The following FBXL17 variants were observed in gnomAD, a reference collection of about 807,000 sequenced individuals.
FBXL17 encodes F-box and leucine rich repeat protein 17, also known as F-box/LRR-repeat protein 17.
A neutral mutation model predicts 66.2 loss-of-function variants in FBXL17; 22 were observed. That is an observed-to-expected ratio of 0.33 (90% confidence interval 0.24 to 0.47). The LOEUF is 0.47. FBXL17 is among the 20% of genes least tolerant of loss of function. The pLI is 1.00. For synonymous variants in FBXL17, 474 were observed against 400.5 expected (o/e 1.18, Z -2.19); for missense variants, 878 against 948.2 (o/e 0.93, Z 0.97).
At chr5:108,367,528 AT>A (rs1309515411) in intron 2 of FBXL17, among the ~76,000 whole-genome samples, 2 of 152,066 alleles carry the variant, frequency 1.3e-5, no homozygotes, top group Non-Finnish European at 2.9e-5. Flanking sequence ...CTATTAAACT[AT>A]TTGTAGTATG....
chr5:108,360,085 GGTT>G (rs1207927511), intron 3 of FBXL17, among the ~76,000 whole-genome samples: 1 of 151,894 alleles, frequency 6.6e-6, no homozygotes, highest in Admixed American at 6.6e-5. Flanking sequence ...CTTAAAACCT[GGTT>G]TTTTTGGATA....
intron 6 of FBXL17, among the ~76,000 whole-genome samples, chr5:108,063,305 G>A (rs966714161): frequency 1.3e-5 from 2 of 152,164 alleles, no homozygotes; most frequent in Non-Finnish European, 2.9e-5. Context: ...TCCAAGAAAA[G>A]GAGACACCAT....
intron 7 of FBXL17, among the ~76,000 whole-genome samples, chr5:107,967,242 T>C (rs1752178321): frequency 1.3e-5 from 2 of 152,002 alleles, no homozygotes; most frequent in South Asian, 4.1e-4. Context: ...AATATTATTA[T>C]AACACTAACT....
intron 6 of FBXL17, among the ~76,000 whole-genome samples, chr5:108,178,205 C>T (rs768857844): frequency 3.3e-5 from 5 of 151,744 alleles, no homozygotes; most frequent in African/African-American, 4.8e-5. Flanking sequence ...CCATCATGCC[C>T]GGCTATTTTT....
At chr5:108,246,350 A>C (rs1175545772) in intron 4 of FBXL17, among the ~76,000 whole-genome samples, 1 of 152,046 alleles carries the variant, frequency 6.6e-6, no homozygotes, top group Non-Finnish European at 1.5e-5. Context: ...TAAATAAGTA[A>C]ATAAGCAGGC....
chr5:108,288,086 G>T (rs1401208779), intron 4 of FBXL17, among the ~76,000 whole-genome samples: 1 of 151,920 alleles, frequency 6.6e-6, no homozygotes, highest in Admixed American at 6.6e-5. Flanking sequence ...ACATTAAGAA[G>T]AGAACAGACA....
intron 6 of FBXL17, among the ~76,000 whole-genome samples, chr5:108,171,434 T>C (rs1021908068): frequency 6.6e-6 from 1 of 152,222 alleles, no homozygotes; most frequent in Non-Finnish European, 1.5e-5. Flanking sequence ...TCTACCTATC[T>C]GTGCTCCATT....
intron 7 of FBXL17, among the ~76,000 whole-genome samples, chr5:107,889,846 A>G (rs138749658): frequency 0.022 from 3,289 of 152,298 alleles, 45 homozygotes; most frequent in Middle Eastern, 0.041. Context: ...TTGATTGAGT[A>G]TGTAGAAATG....
Position 108,381,657 on chromosome 5 carries a change from C to G in FBXL17, c.35G>C (p.Arg12Pro). Residue 12 changes from arginine (R) to proline (P), a missense_variant, in exon 1 of 9, where the codon CGC becomes CCC. Transcript: ENST00000542267. ...ACAGCGAGGCCTCTTCTGGCTCGGG[C>G]GGTTACGCGGCTCCTTCGAGAGAAG... ...GHLLSKEPRNRPSQKRPRCCS... is the reference protein window; with the variant it reads ...GHLLSKEPRNPPSQKRPRCCS... 1 of 1,476,162 alleles carries G rather than the reference C, an allele frequency of 6.8e-7. No homozygotes were observed. The highest frequency in any genetic ancestry group is 8.9e-7 in the Non-Finnish European group (1 of 1,117,410). The allele number at this position is 1,476,162 out of a possible 1,614,324, so 91.4% of individuals were successfully genotyped here. A position where few individuals can be genotyped will look rare whatever the true frequency, so the allele number is the denominator to read the frequency against.
intron 6 of FBXL17, among the ~76,000 whole-genome samples, chr5:108,111,232 G>GA (rs1554066002): frequency 6.8e-6 from 1 of 147,636 alleles, no homozygotes; most frequent in African/African-American, 2.5e-5. Context: ...AAAAAAAAAA[G>GA]AAAGAAAAGA....
At chr5:108,144,908 C>A (rs1474400312) in intron 6 of FBXL17, among the ~76,000 whole-genome samples, 1 of 152,098 alleles carries the variant, frequency 6.6e-6, no homozygotes, top group African/African-American at 2.4e-5. Flanking sequence ...GTTAGACTTA[C>A]AGACTGATAA....
In FBXL17 at chr5:108,028,804, T is replaced by G. The variant is rs1330026303; in HGVS notation, c.1746-7803A>C. Among the ~76,000 whole-genome samples the G allele has an allele frequency of 9.9e-5, 15 of 152,280 alleles. No individual in the cohort carries two copies. In the East Asian group the frequency reaches 2.9e-3, roughly 29 times the overall value. On this transcript the variant is annotated intron_variant, in intron 6 of 8. Coordinates refer to ENST00000542267, the MANE Select transcript of FBXL17 (RefSeq NM_001163315.3). Reference sequence around the variant, plus strand: ...GACTACAAAACACAGGAGGTAAAGATAATTTATAAAAGTTAAAGGAATGGT... The same window carrying G: ...GACTACAAAACACAGGAGGTAAAGAGAATTTATAAAAGTTAAAGGAATGGT...
intron 6 of FBXL17, among the ~76,000 whole-genome samples, chr5:108,152,889 C>A (rs1486619209): frequency 6.6e-6 from 1 of 152,082 alleles, no homozygotes; most frequent in East Asian, 1.9e-4. Flanking sequence ...GTGTCACCAC[C>A]CAAATCTAGA....
At chr5:108,113,388 T>G (rs1401458707) in intron 6 of FBXL17, among the ~76,000 whole-genome samples, 2 of 152,158 alleles carry the variant, frequency 1.3e-5, no homozygotes, top group Admixed American at 1.3e-4. Context: ...TGTGTATATA[T>G]TTAAAAAAAC....
chr5:108,166,158 G>A (rs1226877789), intron 6 of FBXL17, among the ~76,000 whole-genome samples: 1 of 152,198 alleles, frequency 6.6e-6, no homozygotes, highest in African/African-American at 2.4e-5. Context: ...AAAGAGTCAA[G>A]TGAGACTTTG....
chr5:107,978,343 T>C (rs764139293), intron 7 of FBXL17, among the ~76,000 whole-genome samples: 7 of 152,200 alleles, frequency 4.6e-5, no homozygotes, highest in Admixed American at 6.5e-5. Flanking sequence ...CACTCCTTGT[T>C]TGGGGGCTGA....
At chr5:107,970,969 G>A (rs1016386790) in intron 7 of FBXL17, among the ~76,000 whole-genome samples, 5 of 152,128 alleles carry the variant, frequency 3.3e-5, no homozygotes, top group Non-Finnish European at 7.3e-5. Flanking sequence ...ACAGAATCTA[G>A]ACACAGTATG....
chr5:107,989,284 T>A (rs951136505), intron 7 of FBXL17, among the ~76,000 whole-genome samples: 1 of 152,024 alleles, frequency 6.6e-6, no homozygotes, highest in East Asian at 1.9e-4. Flanking sequence ...CCTCTCTTCA[T>A]CTCTCCCTAC....
chr5:108,140,042 C>T (rs1751291224), intron 6 of FBXL17, among the ~76,000 whole-genome samples: 2 of 152,082 alleles, frequency 1.3e-5, no homozygotes, highest in African/African-American at 4.8e-5. Context: ...AGTCCCCCAC[C>T]CTATCATTTT....
Sources: gnomAD v4.1 joint callset for allele counts (sites outside exome capture counted in the v4.1 genomes callset) on GRCh38, gnomAD v4.1.1 for gene constraint, MANE v1.5 for transcripts, NCBI Gene and HGNC (gene_info 2026-07-23, HGNC 2026-07-21) for gene names.